Variants in KIF26B observed in about 807,000 individuals in gnomAD.
The protein encoded by KIF26B is kinesin-like protein KIF26B.
In KIF26B, 63 loss-of-function variants were observed where a neutral mutation model predicts 151.2. The observed-to-expected ratio is 0.42, with a 90% confidence interval of 0.34 to 0.51. The LOEUF (loss-of-function observed/expected upper bound fraction) is 0.51, where lower values mean the gene tolerates loss of function less well. Among genes scored for constraint, KIF26B ranks in the 20% least tolerant of loss-of-function variants. The probability of loss-of-function intolerance (pLI) is 0.07; values close to 1 mark genes in which losing one functional copy is unlikely to be tolerated. For synonymous variants in KIF26B, 1,357 were observed against 1,262.1 expected (o/e 1.08, Z -1.59); for missense variants, 2,813 against 2,913.6 (o/e 0.97, Z 0.79).
intron 4 of KIF26B, among the ~76,000 whole-genome samples, chr1:245,452,913 G>A (rs190459082): frequency 4.7e-4 from 72 of 151,886 alleles, no homozygotes; most frequent in African/African-American, 1.5e-3. Flanking sequence ...ATGTCCTTTG[G>A]TGCACAAAAG....
intron 4 of KIF26B, among the ~76,000 whole-genome samples, chr1:245,440,165 G>A (rs1006162991): frequency 6.6e-6 from 1 of 151,920 alleles, no homozygotes; most frequent in African/African-American, 2.4e-5. Flanking sequence ...AGCTCGCAGT[G>A]AGCCGAGATC....
chr1:245,345,139 G>T (rs1413490435), intron 2 of KIF26B, among the ~76,000 whole-genome samples: 1 of 152,150 alleles, frequency 6.6e-6, no homozygotes, highest in African/African-American at 2.4e-5. Flanking sequence ...TGAATGTCAT[G>T]TTTGGGCCAT....
rs370610606 is a variant in KIF26B, at chr1:245,687,216, C to T, written c.4233C>T (p.Thr1411=). 3.5e-5 allele frequency: 56 copies of T among 1,612,822 alleles called. No individual in the cohort carries two copies. Among genetic ancestry groups the T allele is most frequent in the Non-Finnish European group, 4.2e-5 (50 of 1,179,674 alleles). ...ACATCCAAGAGCCGGAGGCCCCCACCGCCACCCCCAAAGCAGGCCCCACAT... is the reference window on the plus strand; with the variant it reads ...ACATCCAAGAGCCGGAGGCCCCCACTGCCACCCCCAAAGCAGGCCCCACAT... ...PRNIQEPEAP[T]ATPKAGPTLA... The change falls in exon 12 of 15, where the codon ACC becomes ACT. Residue 1411 remains threonine (T), a synonymous_variant. Transcript: ENST00000407071. This position sits in a 1 kb window ranked among gnomAD's most constrained non-coding sequence, Gnocchi z 4.9.
chr1:245,200,339 TGA>T (rs1669275783), intron 2 of KIF26B, among the ~76,000 whole-genome samples: 1 of 152,258 alleles, frequency 6.6e-6, no homozygotes, highest in East Asian at 1.9e-4. Context: ...TCTAGAGCTC[TGA>T]TAATCTCCGA....
At chr1:245,185,609 G>C (rs1668986453) in intron 2 of KIF26B, among the ~76,000 whole-genome samples, 2 of 152,208 alleles carry the variant, frequency 1.3e-5, no homozygotes, top group Non-Finnish European at 2.9e-5. Flanking sequence ...CACTCCAACT[G>C]TGTGTCACAG....
chr1:245,331,439 G>A (rs1406902135), intron 2 of KIF26B, among the ~76,000 whole-genome samples: 24 of 152,314 alleles, frequency 1.6e-4, no homozygotes, highest in East Asian at 1.9e-4. Context: ...AAATGAAAAC[G>A]CGGATCTGAA....
chr1:245,318,543 G>A lies in KIF26B; in HGVS notation c.466-48291G>A, dbSNP rs1671824098. ...CGGATCTGCAGGTAGAGCAGTGCTG[G>A]AATTATCCCAGAGCTGTGTTGTGAC... On this transcript the variant is annotated intron_variant, in intron 2 of 14. Coordinates refer to ENST00000407071, the MANE Select transcript of KIF26B (RefSeq NM_018012.4). This position sits in a 1 kb window ranked among gnomAD's most constrained non-coding sequence, Gnocchi z 4.0. Among the ~76,000 whole-genome samples the A allele has an allele frequency of 6.6e-6, 1 of 152,116 alleles. No homozygotes were observed. The highest frequency in any genetic ancestry group is 6.5e-5 in the Admixed American group (1 of 15,268).
rs1277301841 is a variant in KIF26B at position 245,704,013 on chromosome 1, C to T, written c.*1407C>T. 1 of 152,084 alleles carries T rather than the reference C, an allele frequency of 6.6e-6. No individual in the cohort carries two copies. Among genetic ancestry groups the T allele is most frequent in the East Asian group, 1.9e-4 (1 of 5,160 alleles). 9.4% of individuals were successfully genotyped at this position (152,084 alleles called of 1,614,324 possible). ...CTCAGGACCTCAAATTCAGATGTTC[C>T]TCCCTATAACAATTCCCTTAGGAAT... On this transcript the variant is annotated 3_prime_UTR_variant, in exon 15 of 15. Coordinates refer to ENST00000407071, the MANE Select transcript of KIF26B (RefSeq NM_018012.4).
At position 245,687,239 on chromosome 1, in the gene KIF26B, C is replaced by G; in HGVS notation, c.4256C>G (p.Thr1419Arg). Reference protein sequence around the residue: ...APTATPKAGPTLAQSRESKEN... With the variant: ...APTATPKAGPRLAQSRESKEN... The stretch of plus-strand genomic sequence containing the variant: ...ACCGCCACCCCCAAAGCAGGCCCCA[C>G]ATTAGCCCAGTCCCGGGAGAGTAAG... Residue 1419 changes from threonine (T) to arginine (R), a missense_variant, in exon 12 of 15, where the codon ACA becomes AGA. Thr to Arg is a moderately conservative substitution (Grantham distance 71). Transcript: ENST00000407071. The surrounding 1 kb of genome is among the most constrained non-coding windows in gnomAD (Gnocchi z 4.9). The G allele has an allele frequency of 6.2e-7, 1 of 1,612,776 alleles. No homozygotes were observed. Among genetic ancestry groups the G allele is most frequent in the Non-Finnish European group, 8.5e-7 (1 of 1,179,644 alleles).
In KIF26B at chr1:245,602,439, A is replaced by T; in HGVS notation, c.1351-138A>T. 1.5e-6 allele frequency: 1 copy of T among 660,958 alleles called. No individual in the cohort carries two copies. Among genetic ancestry groups the T allele is most frequent in the South Asian group, 1.9e-5 (1 of 53,876 alleles). 40.9% of individuals were successfully genotyped at this position (660,958 alleles called of 1,614,324 possible). A position where few individuals can be genotyped will look rare whatever the true frequency, so the allele number is the denominator to read the frequency against. ...CCACCAAGGATGATGTTGCTAATTC[A>T]CTGTGCATTTCATCATAATTTATCC... On this transcript the variant is annotated intron_variant, in intron 5 of 14. Transcript: ENST00000407071. The surrounding 1 kb of genome is among the most constrained non-coding windows in gnomAD (Gnocchi z 4.5).
intron 2 of KIF26B, among the ~76,000 whole-genome samples, chr1:245,262,612 G>A (rs1366345427): frequency 3.3e-5 from 5 of 152,002 alleles, no homozygotes; most frequent in African/African-American, 7.3e-5. Flanking sequence ...GCACCTCCAC[G>A]CCTGGCTAAC....
At chr1:245,536,643 G>A (rs1661492518) in intron 4 of KIF26B, among the ~76,000 whole-genome samples, 1 of 152,132 alleles carries the variant, frequency 6.6e-6, no homozygotes, top group African/African-American at 2.4e-5. Context: ...AGGTTTCTGG[G>A]GGTCTAAAAT....
chr1:245,380,530 A>G (rs767591286), intron 3 of KIF26B, among the ~76,000 whole-genome samples: 5 of 152,180 alleles, frequency 3.3e-5, no homozygotes, highest in African/African-American at 7.2e-5. Flanking sequence ...TTCAAGCAAC[A>G]GACATGGTTG....
chr1:245,250,476 G>T (rs1670423391), intron 2 of KIF26B, among the ~76,000 whole-genome samples: 1 of 152,094 alleles, frequency 6.6e-6, no homozygotes, highest in Non-Finnish European at 1.5e-5. Context: ...TAATAAACTT[G>T]TGCAAGTAAC....
intron 2 of KIF26B, among the ~76,000 whole-genome samples, chr1:245,277,949 G>T (rs9660396): frequency 6.6e-6 from 1 of 151,804 alleles, no homozygotes; most frequent in African/African-American, 2.4e-5. Flanking sequence ...AAATAATTTC[G>T]TCATAGGCTG....
chr1:245,604,937 C>T (rs2043434889), intron 6 of KIF26B, among the ~76,000 whole-genome samples: 1 of 152,210 alleles, frequency 6.6e-6, no homozygotes, highest in Non-Finnish European at 1.5e-5. Context: ...GAAACCGAGA[C>T]TCAAAGATGA....
intron 4 of KIF26B, among the ~76,000 whole-genome samples, chr1:245,459,274 A>G (rs1486647919): frequency 1.3e-5 from 2 of 152,196 alleles, no homozygotes; most frequent in Non-Finnish European, 2.9e-5. Flanking sequence ...TGTGTGCTGG[A>G]AAAACACAAA....
chr1:245,363,488 G>A (rs1232895772), intron 2 of KIF26B, among the ~76,000 whole-genome samples: 11 of 152,150 alleles, frequency 7.2e-5, no homozygotes, highest in Non-Finnish European at 2.9e-5. Context: ...GAGCCATCAC[G>A]CCCGGCCTCC....
chr1:245,238,389 T>C (rs1485664993), intron 2 of KIF26B, among the ~76,000 whole-genome samples: 6 of 152,078 alleles, frequency 3.9e-5, no homozygotes, highest in Admixed American at 1.3e-4. Flanking sequence ...TTTTTAAACA[T>C]AGGAGAGTGA....
Sources: gnomAD v4.1 joint callset for allele counts (sites outside exome capture counted in the v4.1 genomes callset) on GRCh38, gnomAD v4.1.1 for gene constraint, Gnocchi (gnomAD v3.1) non-coding constraint, MANE v1.5 for transcripts, NCBI Gene and HGNC (gene_info 2026-07-23, HGNC 2026-07-21) for gene names.